Variants in SYNE2 observed in about 807,000 individuals in gnomAD.
SYNE2 encodes the protein nesprin-2.
SYNE2 carries 431 observed loss-of-function variants against 856.3 expected under a neutral mutation model. That is an observed-to-expected ratio of 0.50 (90% CI 0.47 to 0.55). The LOEUF is 0.55. SYNE2 is among the 20% of genes least tolerant of loss of function. The probability of loss-of-function intolerance (pLI) is 0.00; values close to 1 mark genes in which losing one functional copy is unlikely to be tolerated. For synonymous variants in SYNE2, 2,923 were observed against 2,872.3 expected, an observed-to-expected ratio of 1.02 and a Z score of -0.56; for missense variants, 8,129 against 8,023.2, an observed-to-expected ratio of 1.01 and a Z score of -0.50.
chr14:63,996,743 T>G (rs1274427410), intron 23 of SYNE2, among the ~76,000 whole-genome samples: 2 of 152,194 alleles, frequency 1.3e-5, no homozygotes, highest in Non-Finnish European at 2.9e-5. Context: ...TGCTGGTTCT[T>G]TGTCTGTCTA....
At chr14:64,043,408 G>A (rs2097163087) in intron 45 of SYNE2, among the ~76,000 whole-genome samples, 1 of 152,154 alleles carries the variant, frequency 6.6e-6, no homozygotes, top group Non-Finnish European at 1.5e-5. Context: ...CAAGCCGAAT[G>A]TTAATCCCCA....
intron 1 of SYNE2, among the ~76,000 whole-genome samples, chr14:63,783,603 T>G (rs1459137460): frequency 6.6e-6 from 1 of 152,174 alleles, no homozygotes; most frequent in Non-Finnish European, 1.5e-5. Context: ...TTTGTGGTAT[T>G]CCTGCCAAAA....
chr14:63,809,535 G>A (rs375688058), intron 1 of SYNE2, among the ~76,000 whole-genome samples: 5 of 152,140 alleles, frequency 3.3e-5, no homozygotes, highest in Admixed American at 6.5e-5. Context: ...GCTGGAGTGC[G>A]GGGGCATGAT....
chr14:64,162,810 A>G (rs1172283020), intron 88 of SYNE2: 1 of 204,316 alleles, frequency 4.9e-6, no homozygotes, highest in Non-Finnish European at 1.0e-5. Context: ...TGCATTTTGT[A>G]TCTTCTGCTA....
chr14:63,952,060 T>G (rs2096169978), intron 7 of SYNE2, among the ~76,000 whole-genome samples: 1 of 152,274 alleles, frequency 6.6e-6, no homozygotes. Flanking sequence ...GTGTTTCATT[T>G]CAATAAGACT....
chr14:63,852,876 C>T (rs1306744523), upstream of SYNE2: 2 of 149,668 alleles, frequency 1.3e-5, no homozygotes, highest in Non-Finnish European at 1.5e-5. Flanking sequence ...TGCTCCGCCC[C>T]GGCGCTGGCG....
At chr14:63,818,382 G>T (rs954820278) in intron 1 of SYNE2, among the ~76,000 whole-genome samples, 2 of 150,322 alleles carry the variant, frequency 1.3e-5, no homozygotes, top group African/African-American at 2.4e-5. Context: ...GTTGGGCATG[G>T]TGACACAAGT....
Position 64,225,689 on chromosome 14 carries a change from C to A in SYNE2, c.*163C>A. On this transcript the variant is annotated 3_prime_UTR_variant, in exon 116 of 116. Transcript: ENST00000555002. ...ACGGGCTCCCTGGAGCCCAGGGCAGCTTTCAGATTGTGTTCCTCCCCAGGA... is the reference window on the plus strand; with the variant it reads ...ACGGGCTCCCTGGAGCCCAGGGCAGATTTCAGATTGTGTTCCTCCCCAGGA... 3 of 790,240 alleles carry A rather than the reference C, an allele frequency of 3.8e-6. No homozygotes were observed. Among genetic ancestry groups the A allele is most frequent in the Non-Finnish European group, 6.4e-6 (3 of 470,754 alleles). The allele number at this position is 790,240 out of a possible 1,614,324, so 49.0% of individuals were successfully genotyped here.
At position 64,216,382 on chromosome 14, in the gene SYNE2, C is replaced by T. The variant is rs1458231754; in HGVS notation, c.19537C>T (p.Pro6513Ser). Residue 6513 changes from proline (P) to serine (S), a missense_variant, in exon 108 of 116, where the codon CCC becomes TCC. Transcript: ENST00000555002. ...TGCGTCCAGCACCCCTTATAAACCA[C>T]CCTATGTAAGTCTTAACTTCACTGG... ...PPASSTPYKPPYGKLLLPPGT... is the reference protein window; with the variant it reads ...PPASSTPYKPSYGKLLLPPGT... The T allele has an allele frequency of 1.2e-6, 2 of 1,614,198 alleles. No homozygotes were observed. The highest frequency in any genetic ancestry group is 1.7e-5 in the Admixed American group (1 of 60,030).
chr14:64,009,378 A>G (rs1383402501), intron 31 of SYNE2, among the ~76,000 whole-genome samples: 2 of 152,008 alleles, frequency 1.3e-5, no homozygotes, highest in Admixed American at 1.3e-4. Context: ...TCTACTAAAA[A>G]TACAAAAATT....
At chr14:63,803,293 G>A (rs1346480947) in intron 1 of SYNE2, among the ~76,000 whole-genome samples, 1 of 152,356 alleles carries the variant, frequency 6.6e-6, no homozygotes, top group African/African-American at 2.4e-5. Flanking sequence ...TGGTCGATGG[G>A]ACTGGGCGCC....
intron 1 of SYNE2, among the ~76,000 whole-genome samples, chr14:63,828,778 G>A (rs545521468): frequency 1.3e-3 from 192 of 152,124 alleles, no homozygotes; most frequent in Middle Eastern, 3.4e-3. Flanking sequence ...TGTATGGGAG[G>A]ATGTTCATAG....
Position 63,948,804 on chromosome 14 carries a change from A to ATGTGTG in SYNE2, c.409-1020_409-1019insGTGTGT, listed in dbSNP as rs1566885022. Among the ~76,000 whole-genome samples the ATGTGTG allele has an allele frequency of 4.3e-3, 479 of 110,864 alleles. 25 individuals carry two copies. The highest frequency in any genetic ancestry group is 6.6e-3 in the Non-Finnish European group (354 of 53,892). The allele number at this position is 110,864 out of a possible 152,430, so 72.7% of individuals were successfully genotyped here. ...TGTGTATATATATATATATATATAT[A>ATGTGTG]TATATATATATATATATATGTAGCT... On this transcript the variant is annotated intron_variant, in intron 6 of 115. Coordinates refer to ENST00000555002, the MANE Select transcript of SYNE2 (RefSeq NM_182914.3).
Position 63,983,482 on chromosome 14 carries a change from A to G in SYNE2, c.2002-255A>G, listed in dbSNP as rs74515434. Among the ~76,000 whole-genome samples, 870 of 152,316 alleles carry G rather than the reference A, an allele frequency of 5.7e-3. 25 individuals are homozygous for G. The East Asian group carries it at 0.09, about 16-fold the overall frequency. The stretch of plus-strand genomic sequence containing the variant: ...ACTAGATTTTCAGCTCATTGAGAAC[A>G]TACACTGAGCCTTATGTATCTTTAT... On this transcript the variant is annotated intron_variant, in intron 17 of 115. Coordinates refer to ENST00000555002, the MANE Select transcript of SYNE2 (RefSeq NM_182914.3).
At chr14:64,089,353 C>T (rs1479507171) in intron 58 of SYNE2, among the ~76,000 whole-genome samples, 1 of 106,536 alleles carries the variant, frequency 9.4e-6, no homozygotes, top group African/African-American at 3.8e-5. Context: ...GCAACAAGAG[C>T]GAAACTCCGT....
At chr14:64,105,255 C>A (rs1313881979) in intron 64 of SYNE2, among the ~76,000 whole-genome samples, 4 of 152,176 alleles carry the variant, frequency 2.6e-5, no homozygotes, top group Admixed American at 6.5e-5. Context: ...TCATGCGAAA[C>A]CTCAGCCTAA....
intron 1 of SYNE2, among the ~76,000 whole-genome samples, chr14:63,841,832 C>CTTTTTTTTTTTTTTTT (rs34947861): frequency 8.7e-6 from 1 of 115,080 alleles, no homozygotes; most frequent in Non-Finnish European, 1.7e-5. Context: ...TTCTTTCTTT[C>CTTTTTTTTTTTTTTTT]TTTTTTTTTT....
intron 54 of SYNE2, 119 bp from the exon 55 acceptor site, chr14:64,078,347 C>G (rs537898342): frequency 6.2e-4 from 797 of 1,288,450 alleles, no homozygotes; most frequent in Admixed American, 1.0e-3. Context: ...ATTTCTTCCC[C>G]CAGCCCTTAA....
chr14:64,225,531 C>T lies in SYNE2; in HGVS notation c.*5C>T, dbSNP rs779779608. The T allele has an allele frequency of 1.9e-6, 3 of 1,613,634 alleles. No individual in the cohort carries two copies. The highest frequency in any genetic ancestry group is 1.7e-6 in the Non-Finnish European group (2 of 1,179,726). ...AATGGGCCACCCCCCACATAGAGGG[C>T]ATAGCTGGCCACAGTGCTACACCAC... is the stretch of plus-strand genomic sequence containing the variant. On this transcript the variant is annotated 3_prime_UTR_variant, in exon 116 of 116. Coordinates refer to ENST00000555002, the MANE Select transcript of SYNE2 (RefSeq NM_182914.3).
Sources: allele counts gnomAD v4.1 joint callset (sites outside exome capture counted in the v4.1 genomes callset), GRCh38; gene constraint gnomAD v4.1.1; transcripts MANE v1.5; gene names NCBI Gene and HGNC (gene_info 2026-07-23, HGNC 2026-07-21).